The following MIPOL1 variants were observed in gnomAD, a reference collection of about 807,000 sequenced individuals.
MIPOL1 encodes mirror-image polydactyly gene 1 protein.
In MIPOL1, 57 loss-of-function variants were observed where a neutral mutation model predicts 60.9. The ratio of observed to expected loss-of-function variants is 0.94; its 90% confidence interval spans 0.76 to 1.17. MIPOL1 has a LOEUF of 1.17. Among genes scored for constraint, MIPOL1 ranks in the 50% most tolerant of loss-of-function variants. The pLI, the probability that MIPOL1 is intolerant of heterozygous loss-of-function variation, is 0.00. For synonymous variants in MIPOL1, 179 were observed against 168.8 expected (o/e 1.06, Z -0.47); for missense variants, 551 against 511.6 (o/e 1.08, Z -0.74).
rs187326146 is a variant in MIPOL1, at chr14:37,506,267, G to A, written c.1262+6129G>A. 21 of 152,100 alleles carry A rather than the reference G, an allele frequency of 1.4e-4. No homozygotes were observed. The East Asian group carries it at 2.7e-3, about 20-fold the overall frequency. 9.4% of individuals were successfully genotyped at this position (152,100 alleles called of 1,614,324 possible). A position where few individuals can be genotyped will look rare whatever the true frequency, so the allele number is the denominator to read the frequency against. ...AAAAAACTACTTTAAAGTTCATATGGAACCAAAAAAGAGCCCATAGCCAAG... is the reference window on the plus strand; with the variant it reads ...AAAAAACTACTTTAAAGTTCATATGAAACCAAAAAAGAGCCCATAGCCAAG... On this transcript the variant is annotated intron_variant, in intron 12 of 12. Coordinates refer to ENST00000684589, the MANE Select transcript of MIPOL1 (RefSeq NM_001388067.1).
At chr14:37,248,018 G>A (rs61988310) in intron 3 of MIPOL1, 111 bp downstream of exon 3, 522 of 963,496 alleles carry the variant, frequency 5.4e-4, no homozygotes, top group Non-Finnish European at 7.7e-4. Flanking sequence ...AGACAAGTGC[G>A]CACACACACA....
intron 9 of MIPOL1, among the ~76,000 whole-genome samples, chr14:37,351,081 C>G (rs1022148709): frequency 2.9e-5 from 4 of 137,492 alleles, no homozygotes; most frequent in South Asian, 5.0e-4. Flanking sequence ...ACAACGGTCC[C>G]CAGAGTGTGA....
intron 10 of MIPOL1, chr14:37,399,790 T>C (rs2093447243): frequency 6.6e-6 from 1 of 152,200 alleles, no homozygotes; most frequent in Non-Finnish European, 1.5e-5. Flanking sequence ...AGATAATCTA[T>C]GCCATGTCCA....
chr14:37,331,384 A>G (rs1034060091), intron 9 of MIPOL1, among the ~76,000 whole-genome samples: 1 of 152,062 alleles, frequency 6.6e-6, no homozygotes, highest in African/African-American at 2.4e-5. Flanking sequence ...CATTCAATCC[A>G]TGAACATGGA....
At position 37,458,247 on chromosome 14, in the gene MIPOL1, T is replaced by C. The variant is rs75324217; in HGVS notation, c.1031+35298T>C. On this transcript the variant is annotated intron_variant, in intron 11 of 12. Coordinates refer to ENST00000684589, the MANE Select transcript of MIPOL1 (RefSeq NM_001388067.1). ...AGACTTCAACATCCCAATGCCAGCA[T>C]TAGATAGATCACTGAGGCAGAAAAT... Among the ~76,000 whole-genome samples the C allele has an allele frequency of 6.0e-3, 910 of 152,250 alleles. 5 individuals carry two copies. Among genetic ancestry groups the C allele is most frequent in the African/African-American group, 0.02 (816 of 41,570 alleles).
chr14:37,203,344 G>T (rs1422826728), intron 1 of MIPOL1, among the ~76,000 whole-genome samples: 1 of 152,084 alleles, frequency 6.6e-6, no homozygotes, highest in African/African-American at 2.4e-5. Flanking sequence ...TCTAATCTCT[G>T]GTAATCTTTT....
At chr14:37,349,931 A>G (rs2091230332) in intron 9 of MIPOL1, among the ~76,000 whole-genome samples, 1 of 152,240 alleles carries the variant, frequency 6.6e-6, no homozygotes, top group African/African-American at 2.4e-5. Context: ...GGAGAAAAGA[A>G]TGGTGATATT....
At chr14:37,537,141 G>A (rs1022426104) in intron 12 of MIPOL1, among the ~76,000 whole-genome samples, 3 of 152,092 alleles carry the variant, frequency 2.0e-5, no homozygotes, top group Admixed American at 6.5e-5. Flanking sequence ...GGAGATACCT[G>A]AACACGGTGG....
intron 11 of MIPOL1, among the ~76,000 whole-genome samples, chr14:37,469,117 A>T (rs2094641589): frequency 6.6e-6 from 1 of 152,204 alleles, no homozygotes; most frequent in Non-Finnish European, 1.5e-5. Context: ...ATTGTGGTTT[A>T]TTAGTCCATT....
chr14:37,247,219 A>T lies in MIPOL1; in HGVS notation c.-82A>T, dbSNP rs1194991707. On this transcript the variant is annotated 5_prime_UTR_variant, in exon 2 of 13. Coordinates refer to ENST00000684589, the MANE Select transcript of MIPOL1 (RefSeq NM_001388067.1). Reference sequence around the variant, plus strand: ...AGCTTTATTTGAGGACTTTTTAAAGAACGCTGGGTTCTATCTGTGAGGTAA... The same window carrying T: ...AGCTTTATTTGAGGACTTTTTAAAGTACGCTGGGTTCTATCTGTGAGGTAA... The T allele has an allele frequency of 6.6e-6, 1 of 152,500 alleles. No individual in the cohort carries two copies. Among genetic ancestry groups the T allele is most frequent in the Non-Finnish European group, 1.5e-5 (1 of 67,968 alleles). 9.4% of individuals were successfully genotyped at this position (152,500 alleles called of 1,614,324 possible). A position where few individuals can be genotyped will look rare whatever the true frequency, so the allele number is the denominator to read the frequency against.
At chr14:37,430,320 T>A (rs2094037849) in intron 11 of MIPOL1, among the ~76,000 whole-genome samples, 1 of 152,068 alleles carries the variant, frequency 6.6e-6, no homozygotes, top group East Asian at 1.9e-4. Flanking sequence ...TACCCCTTTA[T>A]ATGGTAGATT....
chr14:37,328,864 G>T (rs1422646823), intron 9 of MIPOL1, among the ~76,000 whole-genome samples: 1 of 152,146 alleles, frequency 6.6e-6, no homozygotes, highest in Non-Finnish European at 1.5e-5. Flanking sequence ...AGTTACAGAG[G>T]GTTCAGAGAG....
chr14:37,308,259 A>G, intron 8 of MIPOL1, 90 bp from the exon 9 acceptor site: 1 of 1,235,946 alleles, frequency 8.1e-7, no homozygotes, highest in Non-Finnish European at 1.1e-6. Flanking sequence ...CAGTCAATTT[A>G]CAATTCACAT....
intron 6 of MIPOL1, among the ~76,000 whole-genome samples, chr14:37,283,015 A>G (rs28524861): frequency 0.53 from 80,582 of 151,940 alleles, 24,151 homozygotes; most frequent in Non-Finnish European, 0.66. Context: ...AAACGGGACT[A>G]CTGTATCAAT....
At chr14:37,483,347 T>G (rs937720732) in intron 11 of MIPOL1, among the ~76,000 whole-genome samples, 1 of 152,092 alleles carries the variant, frequency 6.6e-6, no homozygotes, top group Non-Finnish European at 1.5e-5. Context: ...ACTCCTGGGC[T>G]CAAGCGATCG....
intron 11 of MIPOL1, among the ~76,000 whole-genome samples, chr14:37,455,932 C>A (rs1480906510): frequency 6.6e-6 from 1 of 151,916 alleles, no homozygotes; most frequent in East Asian, 1.9e-4. Context: ...CTATGTTTAC[C>A]AAATGGGATT....
intron 9 of MIPOL1, among the ~76,000 whole-genome samples, chr14:37,338,101 T>A (rs2090312552): frequency 7.8e-6 from 1 of 129,008 alleles, no homozygotes; most frequent in South Asian, 2.5e-4. Flanking sequence ...TATTTTTATT[T>A]AATTTAATTT....
At chr14:37,350,162 C>T (rs1457108554) in intron 9 of MIPOL1, among the ~76,000 whole-genome samples, 11 of 152,146 alleles carry the variant, frequency 7.2e-5, no homozygotes, top group African/African-American at 2.7e-4. Context: ...GCCTTAAATT[C>T]CTGAACTCAA....
At chr14:37,436,668 T>G (rs2094167944) in intron 11 of MIPOL1, among the ~76,000 whole-genome samples, 1 of 152,212 alleles carries the variant, frequency 6.6e-6, no homozygotes, top group African/African-American at 2.4e-5. Context: ...TGACTGAGGA[T>G]GATGATGACG....
Sources: gnomAD v4.1 joint callset for allele counts (sites outside exome capture counted in the v4.1 genomes callset) on GRCh38, gnomAD v4.1.1 for gene constraint, MANE v1.5 for transcripts, NCBI Gene and HGNC (gene_info 2026-07-23, HGNC 2026-07-21) for gene names.